DLC1: variants seen among roughly 807,000 people sequenced by gnomAD.
The protein encoded by DLC1 is rho GTPase-activating protein 7.
Under a neutral mutation model 140.3 loss-of-function variants are expected in DLC1, and 54 were observed. The observed-to-expected ratio is 0.38, with a 90% CI of 0.31 to 0.48. The LOEUF is 0.48. Ranked by LOEUF, DLC1 falls within the 20% of genes least tolerant of loss-of-function variation. The pLI is 0.96. For missense variants in DLC1, 2,536 were observed against 1,907.0 expected, an observed-to-expected ratio of 1.33 and a Z score of -6.14; for synonymous variants, 986 against 728.1, an observed-to-expected ratio of 1.35 and a Z score of -5.70.
chr8:13,340,009 A>G (rs1035985707), intron 4 of DLC1: 2 of 152,152 alleles, frequency 1.3e-5, no homozygotes, highest in African/African-American at 4.8e-5. Context: ...GGTAGCAGTA[A>G]AAGTGAGGAA....
intron 4 of DLC1, among the ~76,000 whole-genome samples, chr8:13,308,351 A>T (rs1234534046): frequency 6.6e-6 from 1 of 152,250 alleles, no homozygotes; most frequent in East Asian, 1.9e-4. Context: ...AGGATAGTCA[A>T]AGTGTAGTAT....
At chr8:13,393,491 C>G (rs1836858996) in intron 4 of DLC1, 62 bp downstream of exon 4, 3 of 1,528,940 alleles carry the variant, frequency 2.0e-6, no homozygotes, top group Non-Finnish European at 1.8e-6. Flanking sequence ...TGAATATCAA[C>G]TCTTACCTGA....
intron 5 of DLC1, among the ~76,000 whole-genome samples, chr8:13,181,002 A>G (rs916770857): frequency 6.6e-6 from 1 of 151,724 alleles, no homozygotes; most frequent in South Asian, 2.1e-4. Context: ...GAAGATATCT[A>G]TTTTGAAATT....
intron 5 of DLC1, among the ~76,000 whole-genome samples, chr8:13,215,370 G>C (rs1338252849): frequency 6.6e-6 from 1 of 152,160 alleles, no homozygotes; most frequent in Non-Finnish European, 1.5e-5. Context: ...TGGATCACTT[G>C]TGGTCAGGAG....
At chr8:13,361,687 G>C (rs1835234775) in intron 4 of DLC1, among the ~76,000 whole-genome samples, 1 of 152,116 alleles carries the variant, frequency 6.6e-6, no homozygotes, top group Admixed American at 6.6e-5. Flanking sequence ...GATAGGTCTG[G>C]ACAAGATATT....
At chr8:13,479,173 T>G (rs1800570069) in intron 2 of DLC1, among the ~76,000 whole-genome samples, 1 of 152,176 alleles carries the variant, frequency 6.6e-6, no homozygotes, top group Admixed American at 6.5e-5. Flanking sequence ...TCTGGAAGAG[T>G]GCTCAGTACA....
chr8:13,533,588 T>A (rs1803172995), intron 1 of DLC1, among the ~76,000 whole-genome samples: 1 of 152,232 alleles, frequency 6.6e-6, no homozygotes, highest in South Asian at 2.1e-4. Context: ...GTTGAGTTTC[T>A]GAGTCCTTGG....
chr8:13,274,982 T>G (rs1165717783), intron 5 of DLC1, among the ~76,000 whole-genome samples: 1 of 152,210 alleles, frequency 6.6e-6, no homozygotes, highest in South Asian at 2.1e-4. Context: ...CCTTAAAGAG[T>G]TAAATAAAAA....
chr8:13,133,036 G>C (rs1227896281), intron 5 of DLC1: 2 of 1,583,008 alleles, frequency 1.3e-6, no homozygotes, highest in South Asian at 1.1e-5. Context: ...AGGCGGAGGC[G>C]GCTCGGCTTC....
chr8:13,309,111 C>G (rs1180726476), intron 4 of DLC1, among the ~76,000 whole-genome samples: 1 of 152,126 alleles, frequency 6.6e-6, no homozygotes, highest in Non-Finnish European at 1.5e-5. Context: ...CCATTAGGGG[C>G]TTTTGCTAAT....
intron 4 of DLC1, among the ~76,000 whole-genome samples, chr8:13,345,547 C>CTTTTTTTT (rs535092622): frequency 0.011 from 727 of 67,470 alleles, 90 homozygotes; most frequent in East Asian, 0.092. Context: ...TTCACTCACA[C>CTTTTTTTT]TTTTTTTTTT....
At chr8:13,360,875 C>T (rs973499667) in intron 4 of DLC1, among the ~76,000 whole-genome samples, 2 of 135,788 alleles carry the variant, frequency 1.5e-5, no homozygotes, top group Non-Finnish European at 3.3e-5. Context: ...GTTTTATACA[C>T]ATTATTTTTT....
At chr8:13,527,093 G>T (rs1802942592) in intron 1 of DLC1, among the ~76,000 whole-genome samples, 1 of 152,118 alleles carries the variant, frequency 6.6e-6, no homozygotes, top group African/African-American at 2.4e-5. Context: ...ACGTGAATAG[G>T]CAGTTTTATT....
At chr8:13,188,215 G>A (rs1043255296) in intron 5 of DLC1, among the ~76,000 whole-genome samples, 7 of 151,164 alleles carry the variant, frequency 4.6e-5, no homozygotes, top group African/African-American at 1.7e-4. Context: ...CAGAGTAGCT[G>A]GGGTTACAGG....
intron 5 of DLC1, among the ~76,000 whole-genome samples, chr8:13,139,510 T>C (rs1452863066): frequency 6.6e-6 from 1 of 152,148 alleles, no homozygotes; most frequent in Non-Finnish European, 1.5e-5. Flanking sequence ...AGAGGGCACT[T>C]GGTGGAGACA....
At chr8:13,432,674 G>C (rs1208112121) in intron 2 of DLC1, among the ~76,000 whole-genome samples, 1 of 152,160 alleles carries the variant, frequency 6.6e-6, no homozygotes, top group African/African-American at 2.4e-5. Flanking sequence ...TGAAAAAGCA[G>C]GTGAGAAAAA....
chr8:13,241,057 G>A (rs1829525080), intron 5 of DLC1, among the ~76,000 whole-genome samples: 2 of 152,172 alleles, frequency 1.3e-5, no homozygotes, highest in South Asian at 4.1e-4. Context: ...AAGAAGGGGA[G>A]CAGCTGAGCT....
intron 5 of DLC1, among the ~76,000 whole-genome samples, chr8:13,151,448 C>A (rs576604466): frequency 5.2e-4 from 79 of 152,298 alleles, no homozygotes; most frequent in African/African-American, 1.8e-3. Context: ...AACAGTAGAA[C>A]TGAGACTCCA....
At chr8:13,178,944 C>G (rs995988048) in intron 5 of DLC1, among the ~76,000 whole-genome samples, 1 of 152,096 alleles carries the variant, frequency 6.6e-6, no homozygotes, top group Non-Finnish European at 1.5e-5. Context: ...AGAAATGTGT[C>G]GATTTGTTCA....
Sources: allele counts gnomAD v4.1 joint callset (sites outside exome capture counted in the v4.1 genomes callset), GRCh38; gene constraint gnomAD v4.1.1; transcripts MANE v1.5; gene names NCBI Gene and HGNC (gene_info 2026-07-23, HGNC 2026-07-21).